PCYT1B: variants seen among roughly 807,000 people sequenced by gnomAD.
PCYT1B encodes the protein choline-phosphate cytidylyltransferase B.
PCYT1B carries 10 observed loss-of-function variants against 26.4 expected under a neutral mutation model. The observed-to-expected ratio is 0.38, with a 90% CI of 0.23 to 0.64. PCYT1B has a LOEUF of 0.64. Ranked by LOEUF, PCYT1B falls within the 30% of genes least tolerant of loss-of-function variation. The probability of loss-of-function intolerance (pLI) is 0.56; values close to 1 mark genes in which losing one functional copy is unlikely to be tolerated. For synonymous variants in PCYT1B, 131 were observed against 108.4 expected (o/e 1.21, Z -1.29); for missense variants, 161 against 292.7 (o/e 0.55, Z 3.28).
At chrX:24,657,271 C>T (rs1384020625) in intron 1 of PCYT1B, among the ~76,000 whole-genome samples, 1 of 111,620 alleles carries the variant, frequency 9.0e-6, no homozygotes, top group Non-Finnish European at 1.9e-5. Context: ...AATTTTGGTC[C>T]CTTCTTTATG....
Position 24,607,740 on chromosome X carries a change from C to T in PCYT1B, c.334+5G>A. The T allele has an allele frequency of 9.4e-7, 1 of 1,066,306 alleles. No homozygotes were observed. Among genetic ancestry groups the T allele is most frequent in the Non-Finnish European group, 1.3e-6 (1 of 767,688 alleles). 87.9% of individuals were successfully genotyped at this position (1,066,306 alleles called of 1,213,427 possible). ...TTCTAGACAAAAAGAAAATGCACTT[C>T]TTACCTCCTACCAACAAGTAGCTGT... On this transcript the variant is annotated splice_donor_5th_base_variant and intron_variant, in intron 3 of 7. Transcript: ENST00000379144.
At chrX:24,568,286 A>G (rs1248076624) in intron 7 of PCYT1B, among the ~76,000 whole-genome samples, 2 of 111,942 alleles carry the variant, frequency 1.8e-5, no homozygotes, top group African/African-American at 6.5e-5. Context: ...TAATCCCAAC[A>G]CTTTGGGAGG....
chrX:24,620,762 T>G (rs1925677465), intron 1 of PCYT1B, among the ~76,000 whole-genome samples: 1 of 112,474 alleles, frequency 8.9e-6, no homozygotes, highest in South Asian at 3.7e-4. Flanking sequence ...GAACTGAAAC[T>G]GTGGAAAAGC....
intron 3 of PCYT1B, among the ~76,000 whole-genome samples, chrX:24,600,094 G>T (rs958283638): frequency 3.6e-5 from 4 of 110,589 alleles, no homozygotes; most frequent in Non-Finnish European, 7.6e-5. Context: ...TAGAGATGGG[G>T]TTTCATCATG....
At chrX:24,641,049 T>C (rs751662046) in intron 1 of PCYT1B, among the ~76,000 whole-genome samples, 1 of 111,775 alleles carries the variant, frequency 8.9e-6, no homozygotes, top group South Asian at 3.8e-4. Context: ...TTCTCCTGCC[T>C]CAGCCTCCCA....
chrX:24,634,274 A>G (rs1926203624), intron 1 of PCYT1B, among the ~76,000 whole-genome samples: 1 of 111,760 alleles, frequency 8.9e-6, no homozygotes, highest in Non-Finnish European at 1.9e-5. Flanking sequence ...CACATCAAAT[A>G]CATGAGGTAT....
At chrX:24,615,842 C>G (rs897848856) in intron 2 of PCYT1B, among the ~76,000 whole-genome samples, 3 of 112,097 alleles carry the variant, frequency 2.7e-5, no homozygotes, top group African/African-American at 9.7e-5. Context: ...ATCACAGCTA[C>G]TGTCTGAGCA....
upstream of PCYT1B, among the ~76,000 whole-genome samples, chrX:24,648,050 C>T (rs138798090): frequency 3.9e-3 from 436 of 112,223 alleles, 8 homozygotes; most frequent in Admixed American, 0.035. Context: ...CCATGCACTG[C>T]TCTATTTTCT....
chrX:24,562,949 A>G (rs1923485498), intron 7 of PCYT1B, among the ~76,000 whole-genome samples: 2 of 107,721 alleles, frequency 1.9e-5, no homozygotes, highest in Admixed American at 9.8e-5. Context: ...CTGGTCTTGA[A>G]CTCCTGACCT....
chrX:24,670,896 G>T (rs1209073963), intron 1 of PCYT1B, among the ~76,000 whole-genome samples: 1 of 111,516 alleles, frequency 9.0e-6, no homozygotes, highest in Non-Finnish European at 1.9e-5. Context: ...TATTTGCACA[G>T]ATTTAATTCT....
rs1924503663 is a variant in PCYT1B at position 24,589,998 on chromosome X, G to A, written c.486+25C>T. 2.6e-6 allele frequency: 3 copies of A among 1,160,074 alleles called. No individual in the cohort carries two copies. In the South Asian group the frequency reaches 5.8e-5, roughly 23 times the overall value. On this transcript the variant is annotated intron_variant, in intron 4 of 7. Coordinates refer to ENST00000379144, the MANE Select transcript of PCYT1B (RefSeq NM_004845.5). The stretch of plus-strand genomic sequence containing the variant: ...CCAGACTCCCTAATCTTGCTACTTA[G>A]AGAATGTGGGAGAATGAGAAGTACC...
At chrX:24,654,100 CT>C (rs35924266) in intron 1 of PCYT1B, among the ~76,000 whole-genome samples, 129 of 33,096 alleles carry the variant, frequency 3.9e-3, no homozygotes, top group African/African-American at 7.7e-3. Flanking sequence ...TTCTTTCTTT[CT>C]TTTTTTTTTT....
chrX:24,608,854 A>C (rs753287307), intron 2 of PCYT1B, among the ~76,000 whole-genome samples: 1 of 111,985 alleles, frequency 8.9e-6, no homozygotes, highest in South Asian at 3.8e-4. Flanking sequence ...TGGTTGGAGG[A>C]AGGAAGTTGC....
upstream of PCYT1B, among the ~76,000 whole-genome samples, chrX:24,651,894 G>T (rs1270434423): frequency 9.0e-6 from 1 of 111,054 alleles, no homozygotes; most frequent in Non-Finnish European, 1.9e-5. Flanking sequence ...TATTAGGGTT[G>T]GGGTGAGACA....
chrX:24,662,376 G>C (rs1927046051), intron 1 of PCYT1B, among the ~76,000 whole-genome samples: 1 of 111,370 alleles, frequency 9.0e-6, no homozygotes, highest in African/African-American at 3.3e-5. Flanking sequence ...TTGGGGCTGG[G>C]GGTGCTGTAG....
chrX:24,604,805 T>C (rs1925073235), intron 3 of PCYT1B, among the ~76,000 whole-genome samples: 1 of 111,912 alleles, frequency 8.9e-6, no homozygotes, highest in Non-Finnish European at 1.9e-5. Flanking sequence ...TTTCTTCCTG[T>C]ACTCCAGTCC....
intron 1 of PCYT1B, among the ~76,000 whole-genome samples, chrX:24,620,330 C>T (rs1287559240): frequency 8.9e-6 from 1 of 111,853 alleles, no homozygotes; most frequent in Non-Finnish European, 1.9e-5. Flanking sequence ...GATCCCTCCC[C>T]TGTCCCCATC....
At chrX:24,599,593 T>C (rs1924895748) in intron 3 of PCYT1B, among the ~76,000 whole-genome samples, 1 of 111,806 alleles carries the variant, frequency 8.9e-6, no homozygotes, top group African/African-American at 3.2e-5. Context: ...TATCAAAGTG[T>C]ATATAATGTG....
At chrX:24,629,559 C>CAAAAAAAAAAAAAAAA in intron 1 of PCYT1B, among the ~76,000 whole-genome samples, 1 of 16,105 alleles carries the variant, frequency 6.2e-5, no homozygotes, top group Non-Finnish European at 1.0e-4. Context: ...GACCCTGTCT[C>CAAAAAAAAAAAAAAAA]AAAAAAAAAA....
Sources: allele counts gnomAD v4.1 joint callset (sites outside exome capture counted in the v4.1 genomes callset), GRCh38; gene constraint gnomAD v4.1.1; transcripts MANE v1.5; gene names NCBI Gene and HGNC (gene_info 2026-07-23, HGNC 2026-07-21).